FOXN1: variants seen among roughly 807,000 people sequenced by gnomAD.
The protein encoded by FOXN1 is forkhead box N1.
FOXN1 carries 15 observed loss-of-function variants against 49.0 expected under a neutral mutation model. That is an observed-to-expected ratio of 0.31 (90% CI 0.20 to 0.47). FOXN1 has a LOEUF of 0.47. Ranked by LOEUF, FOXN1 falls within the 20% of genes least tolerant of loss-of-function variation. The pLI is 1.00. For missense variants in FOXN1, 800 were observed against 842.8 expected (o/e 0.95, Z 0.63); for synonymous variants, 356 against 369.0 (o/e 0.96, Z 0.40).
Position 28,537,236 on chromosome 17 carries a change from C to T in FOXN1, c.1747C>T (p.Pro583Ser), listed in dbSNP as rs755395434. 1.9e-6 allele frequency: 3 copies of T among 1,614,070 alleles called. No individual in the cohort carries two copies. The highest frequency in any genetic ancestry group is 2.5e-6 in the Non-Finnish European group (3 of 1,179,938). Residue 583 changes from proline (P) to serine (S), a missense_variant, in exon 9 of 9, where the codon CCT becomes TCT. Around this residue, in one of 3 missense-constraint regions of FOXN1, gnomAD observed 344 missense variants for 366.1 expected, o/e 0.94. Coordinates refer to ENST00000579795, the MANE Select transcript of FOXN1 (RefSeq NM_001369369.1). Reference protein sequence around the residue: ...PPQPPPHCFPPGPCLTETGSG... With the variant: ...PPQPPPHCFPSGPCLTETGSG... The stretch of plus-strand genomic sequence containing the variant: ...CCAGCCACCACCTCACTGCTTCCCC[C>T]CTGGGCCCTGTCTGACAGAGACAGG...
At chr17:28,528,828 G>A (rs985659814) in intron 4 of FOXN1, among the ~76,000 whole-genome samples, 11 of 152,154 alleles carry the variant, frequency 7.2e-5, no homozygotes, top group African/African-American at 2.2e-4. Flanking sequence ...GCAGGGTCCC[G>A]TCACCATAGC....
Position 28,517,152 on chromosome 17 carries a change from C to T in FOXN1, c.-14-6804C>T, listed in dbSNP as rs1211714550. Among the ~76,000 whole-genome samples the T allele has an allele frequency of 1.2e-4, 16 of 135,362 alleles. 1 individual carries two copies. The highest frequency in any genetic ancestry group is 2.2e-4 in the Admixed American group (3 of 13,936). The allele number at this position is 135,362 out of a possible 152,430, so 88.8% of individuals were successfully genotyped here. A position where few individuals can be genotyped will look rare whatever the true frequency, so the allele number is the denominator to read the frequency against. Reference sequence around the variant, plus strand: ...GTACACATCTCCACAGGGTACACACCTCCACAGGATCCACACCTCCACAGG... The same window carrying T: ...GTACACATCTCCACAGGGTACACACTTCCACAGGATCCACACCTCCACAGG... On this transcript the variant is annotated intron_variant, in intron 1 of 8. Coordinates refer to ENST00000579795, the MANE Select transcript of FOXN1 (RefSeq NM_001369369.1).
intron 1 of FOXN1, among the ~76,000 whole-genome samples, chr17:28,516,787 G>A (rs1363257964): frequency 1.0e-5 from 1 of 100,200 alleles, no homozygotes; most frequent in African/African-American, 3.5e-5. Context: ...ACCTCAAAAG[G>A]GTACACATCT....
intron 5 of FOXN1, 74 bp from the exon 6 acceptor site, chr17:28,530,675 A>AG: frequency 1.2e-6 from 1 of 822,648 alleles, no homozygotes; most frequent in Non-Finnish European, 2.2e-6. Flanking sequence ...GCCTCTCACC[A>AG]GGGGTGGGGG....
intron 1 of FOXN1, among the ~76,000 whole-genome samples, chr17:28,521,589 C>T (rs888573281): frequency 1.3e-5 from 2 of 152,228 alleles, no homozygotes; most frequent in South Asian, 2.1e-4. Flanking sequence ...TCCCTGGTCA[C>T]GCCACATTTA....
chr17:28,530,091 G>C (rs923261379), intron 5 of FOXN1, among the ~76,000 whole-genome samples: 9 of 151,872 alleles, frequency 5.9e-5, no homozygotes, highest in Admixed American at 5.2e-4. Context: ...GTAGATGACG[G>C]GTTGACGGGT....
At position 28,534,677 on chromosome 17, in the gene FOXN1, A is replaced by G. The variant is rs1355591525; in HGVS notation, c.1136-30A>G. ...GAAGACTGTGGAGGAGGGAGGTCTC[A>G]TGGTGTTCTTTCTCTCTTGGGCCTT... On this transcript the variant is annotated intron_variant, in intron 7 of 8. Transcript: ENST00000579795. The surrounding 1 kb of genome is among the most constrained non-coding windows in gnomAD (Gnocchi z 4.1). 1 of 1,612,954 alleles carries G rather than the reference A, an allele frequency of 6.2e-7. No homozygotes were observed. The highest frequency in any genetic ancestry group is 1.3e-5 in the African/African-American group (1 of 74,972).
At chr17:28,522,455 T>C (rs534903527) in intron 1 of FOXN1, among the ~76,000 whole-genome samples, 1 of 152,278 alleles carries the variant, frequency 6.6e-6, no homozygotes, top group East Asian at 1.9e-4. Context: ...GAGACCAGCC[T>C]GGCCAAAATA....
intron 3 of FOXN1, among the ~76,000 whole-genome samples, chr17:28,527,050 G>T (rs2069785844): frequency 6.9e-6 from 1 of 144,196 alleles, no homozygotes; most frequent in African/African-American, 3.0e-5. Flanking sequence ...AGGGACTGCT[G>T]TCAGTTCCAG....
chr17:28,521,258 C>T (rs1399859951), intron 1 of FOXN1, among the ~76,000 whole-genome samples: 1 of 152,254 alleles, frequency 6.6e-6, no homozygotes, highest in African/African-American at 2.4e-5. Context: ...TGCTCTAAAA[C>T]ACCGTGCTAC....
chr17:28,507,164 T>C (rs1349041927), intron 1 of FOXN1, among the ~76,000 whole-genome samples: 1 of 152,098 alleles, frequency 6.6e-6, no homozygotes. Context: ...CTGAGGCCTT[T>C]GGGGCCTAGA....
At chr17:28,517,608 A>G (rs77008443) in intron 1 of FOXN1, among the ~76,000 whole-genome samples, 6 of 105,214 alleles carry the variant, frequency 5.7e-5, no homozygotes, top group Admixed American at 1.8e-4. Context: ...CCTCCACAGG[A>G]TCCATACCTC....
chr17:28,537,062 G>A, intron 8 of FOXN1, 55 bp from the exon 9 acceptor site: 2 of 1,378,318 alleles, frequency 1.5e-6, no homozygotes, highest in East Asian at 2.3e-5. Context: ...GGAGGGGCCA[G>A]ACAGGGCTCC....
intron 6 of FOXN1, among the ~76,000 whole-genome samples, chr17:28,531,973 A>G (rs1180083724): frequency 1.3e-5 from 2 of 151,998 alleles, no homozygotes; most frequent in African/African-American, 2.4e-5. Context: ...GAGGGAGGTG[A>G]GTCGTCCCTG....
chr17:28,512,335 C>A (rs953120944), intron 1 of FOXN1, among the ~76,000 whole-genome samples: 1 of 152,170 alleles, frequency 6.6e-6, no homozygotes, highest in Non-Finnish European at 1.5e-5. Context: ...CTGAACACTG[C>A]CCCCTGGAAG....
intron 1 of FOXN1, among the ~76,000 whole-genome samples, chr17:28,513,551 C>T (rs1033359944): frequency 6.6e-6 from 1 of 152,238 alleles, no homozygotes; most frequent in Admixed American, 6.5e-5. Context: ...CCAGAGAGGT[C>T]AGGCTCTAGT....
chr17:28,518,975 A>G lies in FOXN1; in HGVS notation c.-14-4981A>G, dbSNP rs571653844. 9.3e-4 allele frequency among the ~76,000 whole-genome samples: 141 copies of G among 152,334 alleles called. 1 individual carries two copies. Among genetic ancestry groups the G allele is most frequent in the African/African-American group, 3.3e-3 (136 of 41,576 alleles). On this transcript the variant is annotated intron_variant, in intron 1 of 8. Transcript: ENST00000579795. ...AGTAAATAAATCATAATGTTTAAAA[A>G]GGCTCTGATTTGTAGGATTTGCTAA...
At chr17:28,529,280 G>A in intron 5 of FOXN1, 56 bp downstream of exon 5, 1 of 1,598,230 alleles carries the variant, frequency 6.3e-7, no homozygotes, top group Non-Finnish European at 8.6e-7. Context: ...GGGCCCCTGG[G>A]AACACTGAGG....
At chr17:28,518,154 A>C (rs914334977) in intron 1 of FOXN1, among the ~76,000 whole-genome samples, 2 of 151,954 alleles carry the variant, frequency 1.3e-5, no homozygotes, top group Non-Finnish European at 2.9e-5. Flanking sequence ...TCCACATGGT[A>C]CACACCTTCA....
Sources: allele counts gnomAD v4.1 joint callset (sites outside exome capture counted in the v4.1 genomes callset), GRCh38; gene constraint gnomAD v4.1.1; regional missense constraint gnomAD v4.1.1; non-coding constraint Gnocchi (gnomAD v3.1); transcripts MANE v1.5; gene names NCBI Gene and HGNC (gene_info 2026-07-23, HGNC 2026-07-21).